PCLO: variants seen among roughly 807,000 people sequenced by gnomAD.
The protein encoded by PCLO is protein piccolo.
PCLO carries 82 observed loss-of-function variants against 427.5 expected under a neutral mutation model. The ratio of observed to expected loss-of-function variants is 0.19; its 90% CI spans 0.16 to 0.23. PCLO has a LOEUF of 0.23. Ranked by LOEUF, PCLO falls within the 10% of genes least tolerant of loss-of-function variation. The pLI is 1.00. For missense variants in PCLO, 6,239 were observed against 6,115.9 expected (o/e 1.02, Z -0.67); for synonymous variants, 2,357 against 2,155.4 (o/e 1.09, Z -2.59).
At chr7:83,013,444 G>T (rs1366166001) in intron 3 of PCLO, among the ~76,000 whole-genome samples, 1 of 152,094 alleles carries the variant, frequency 6.6e-6, no homozygotes, top group East Asian at 1.9e-4. Context: ...GTTTTCTTCA[G>T]GGTTGTTGTC....
intron 24 of PCLO, among the ~76,000 whole-genome samples, chr7:82,759,049 T>C (rs1304704596): frequency 6.6e-6 from 1 of 151,914 alleles, no homozygotes; most frequent in African/African-American, 2.4e-5. Context: ...AAAATAACTT[T>C]GCCAAATAAT....
chr7:83,073,933 T>A (rs1789883407), intron 3 of PCLO, among the ~76,000 whole-genome samples: 1 of 151,728 alleles, frequency 6.6e-6, no homozygotes, highest in Admixed American at 6.6e-5. Context: ...CCCATTTAGA[T>A]ATTTGTTTCT....
chr7:82,797,936 T>G (rs188010731), intron 22 of PCLO, among the ~76,000 whole-genome samples: 1 of 152,116 alleles, frequency 6.6e-6, no homozygotes. Flanking sequence ...ACTTGCTTAA[T>G]AAGAATAACA....
At chr7:82,856,314 C>T (rs2115879312) in intron 10 of PCLO, among the ~76,000 whole-genome samples, 1 of 152,194 alleles carries the variant, frequency 6.6e-6, no homozygotes, top group East Asian at 1.9e-4. Flanking sequence ...TTTAAACATA[C>T]TTAGTGTGAA....
At chr7:82,795,723 A>G (rs1042491898) in intron 22 of PCLO, among the ~76,000 whole-genome samples, 2 of 152,170 alleles carry the variant, frequency 1.3e-5, no homozygotes, top group African/African-American at 4.8e-5. Context: ...CCATATCTAT[A>G]TCTCCTACTG....
chr7:83,061,029 T>C (rs1286437598), intron 3 of PCLO, among the ~76,000 whole-genome samples: 2 of 152,166 alleles, frequency 1.3e-5, no homozygotes, highest in African/African-American at 2.4e-5. Context: ...AACAGATATA[T>C]GGGTTGTGTA....
rs1216495570 is a variant in PCLO at position 82,972,872 on chromosome 7, T to C, written c.3301-6385A>G. Among the ~76,000 whole-genome samples the C allele has an allele frequency of 7.2e-5, 11 of 152,092 alleles. No individual in the cohort carries two copies. In the East Asian group the frequency reaches 2.1e-3, roughly 29 times the overall value. On this transcript the variant is annotated intron_variant, in intron 3 of 24. Transcript: ENST00000333891. ...GTAATAAACTGCTTAGAATTCTCCT[T>C]TTTACTTATTGACAAATACACCAAT...
At chr7:82,797,763 T>C (rs1249409500) in intron 22 of PCLO, among the ~76,000 whole-genome samples, 1 of 152,138 alleles carries the variant, frequency 6.6e-6, no homozygotes, top group African/African-American at 2.4e-5. Context: ...ACAACTTAGG[T>C]TGAATCCCAG....
At position 82,955,217 on chromosome 7, in the gene PCLO, TTTTAACGCC is replaced by T. The variant is rs747190645; in HGVS notation, c.5727_5735del (p.Ala1910_Lys1912del). The T allele has an allele frequency of 1.2e-6, 2 of 1,613,834 alleles. No individual in the cohort carries two copies. The highest frequency in any genetic ancestry group is 1.7e-6 in the Non-Finnish European group (2 of 1,179,818). On this transcript the variant is annotated inframe_deletion, in exon 5 of 25. Coordinates refer to ENST00000333891, the MANE Select transcript of PCLO (RefSeq NM_033026.6). ...TTTCTTCATACATCTCCTCAGCACTTTTTAACGCCTTTTGGCTACCTTCTTTCTGCATAA... is the reference window on the plus strand; with the variant it reads ...TTTCTTCATACATCTCCTCAGCACTTTTTTGGCTACCTTCTTTCTGCATAA...
intron 6 of PCLO, among the ~76,000 whole-genome samples, chr7:82,931,342 G>C (rs1794836158): frequency 1.3e-5 from 2 of 152,128 alleles, no homozygotes; most frequent in South Asian, 4.1e-4. Flanking sequence ...TTAGGTGATA[G>C]ATTGTGTTAA....
chr7:82,887,459 C>T (rs548346010), intron 9 of PCLO, among the ~76,000 whole-genome samples: 1 of 152,256 alleles, frequency 6.6e-6, no homozygotes, highest in East Asian at 1.9e-4. Context: ...TCCTCCTATC[C>T]TTGAATATTG....
chr7:82,925,968 C>T (rs1416866091), intron 6 of PCLO, among the ~76,000 whole-genome samples: 1 of 152,004 alleles, frequency 6.6e-6, no homozygotes, highest in Non-Finnish European at 1.5e-5. Context: ...ATCCTCCCAC[C>T]TTGGCTGCCC....
intron 3 of PCLO, among the ~76,000 whole-genome samples, chr7:83,006,506 T>G (rs1787949762): frequency 6.6e-6 from 1 of 151,612 alleles, no homozygotes; most frequent in Admixed American, 6.6e-5. Flanking sequence ...TTTCTCATAC[T>G]GCTGTTTCAT....
At chr7:82,838,079 A>G (rs1458251869) in intron 15 of PCLO, 139 bp downstream of exon 15, 6 of 641,758 alleles carry the variant, frequency 9.3e-6, no homozygotes, top group Non-Finnish European at 1.3e-5. Context: ...ACTAATTGGA[A>G]ATAAATAAAT....
At chr7:82,957,830 C>T (rs990017821) in intron 4 of PCLO, among the ~76,000 whole-genome samples, 4 of 152,098 alleles carry the variant, frequency 2.6e-5, no homozygotes, top group African/African-American at 9.7e-5. Context: ...CTTTTGTGAG[C>T]GGGAGCATGG....
intron 3 of PCLO, among the ~76,000 whole-genome samples, chr7:83,016,931 G>T (rs985828348): frequency 7.2e-5 from 11 of 152,056 alleles, no homozygotes; most frequent in African/African-American, 2.2e-4. Flanking sequence ...CTTATGTAGT[G>T]CCTTAAACCA....
intron 4 of PCLO, among the ~76,000 whole-genome samples, chr7:82,961,724 G>A (rs993306834): frequency 6.6e-6 from 1 of 152,190 alleles, no homozygotes; most frequent in African/African-American, 2.4e-5. Flanking sequence ...GAGAAGGCTG[G>A]AAGTTATAAT....
intron 1 of PCLO, among the ~76,000 whole-genome samples, chr7:83,157,591 T>G (rs745684492): frequency 1.3e-5 from 2 of 151,710 alleles, no homozygotes; most frequent in Non-Finnish European, 2.9e-5. Flanking sequence ...AAATAGGAGT[T>G]TCTTATTTTT....
Position 82,954,666 on chromosome 7 carries a change from A to G in PCLO, c.6287T>C (p.Met2096Thr). 6.2e-7 allele frequency: 1 copy of G among 1,613,930 alleles called. No individual in the cohort carries two copies. The highest frequency in any genetic ancestry group is 8.5e-7 in the Non-Finnish European group (1 of 1,179,840). Residue 2096 changes from methionine to threonine, a missense_variant, in exon 5 of 25, where the codon ATG (methionine) becomes ACG (threonine). Met to Thr is a moderately conservative substitution (Grantham distance 81). Around this residue, in one of 5 missense-constraint regions of PCLO, gnomAD observed 4,677 missense variants for 4,468.4 expected, o/e 1.05. Transcript: ENST00000333891. ...PIGEDMTESTMDFDRMPDASL... is the reference protein window; with the variant it reads ...PIGEDMTESTTDFDRMPDASL... ...GGCATCTGGCATTCTGTCAAAGTCC[A>G]TGGTGGACTCTGTCATATCCTCACC... is the stretch of plus-strand genomic sequence containing the variant.
Sources: gnomAD v4.1 joint callset for allele counts (sites outside exome capture counted in the v4.1 genomes callset) on GRCh38, gnomAD v4.1.1 for gene constraint, gnomAD v4.1.1 regional missense constraint, MANE v1.5 for transcripts, NCBI Gene and HGNC (gene_info 2026-07-23, HGNC 2026-07-21) for gene names.